Variants in KHDC1 observed in about 807,000 individuals in gnomAD.
KHDC1 encodes KH domain containing 1, also known as KH homology domain-containing protein 1.
A neutral mutation model predicts 24.7 loss-of-function variants in KHDC1; 21 were observed. The ratio of observed to expected loss-of-function variants is 0.85; its 90% confidence interval spans 0.60 to 1.23. The LOEUF (loss-of-function observed/expected upper bound fraction) is 1.23, where lower values mean the gene tolerates loss of function less well. Ranked by LOEUF, KHDC1 falls within the 50% of genes most tolerant of loss-of-function variation. KHDC1 has a pLI of 0.00. For missense variants in KHDC1, 274 were observed against 298.5 expected, an observed-to-expected ratio of 0.92 and a Z score of 0.61; for synonymous variants, 98 against 111.7, an observed-to-expected ratio of 0.88 and a Z score of 0.77.
intron 2 of KHDC1, among the ~76,000 whole-genome samples, chr6:73,290,070 G>A (rs1582581822): frequency 1.5e-5 from 2 of 132,206 alleles, no homozygotes; most frequent in South Asian, 2.5e-4. Context: ...ACTGCAGTCC[G>A]CAGTCCGGCC....
At chr6:73,264,167 C>T (rs1201761620) in intron 2 of KHDC1, among the ~76,000 whole-genome samples, 1 of 152,150 alleles carries the variant, frequency 6.6e-6, no homozygotes, top group Non-Finnish European at 1.5e-5. Flanking sequence ...CCACTGCATT[C>T]CAGCCTGGGC....
Position 73,247,645 on chromosome 6 carries a change from C to T in KHDC1, c.207-5115G>A, listed in dbSNP as rs75208256. Among the ~76,000 whole-genome samples the T allele has an allele frequency of 5.2e-3, 786 of 152,104 alleles. 6 individuals are homozygous for T. Among genetic ancestry groups the T allele is most frequent in the African/African-American group, 0.018 (727 of 41,496 alleles). On this transcript the variant is annotated intron_variant, in intron 2 of 4. Coordinates refer to ENST00000370384, the Ensembl canonical transcript of KHDC1. ...CTGAGGCAGGCAGATCACCTGAGGT[C>T]AGGAGTTCATAGACCAGCCTAGCCA...
At chr6:73,292,197 C>T (rs1767666421) in intron 1 of KHDC1, 1 of 1,476,200 alleles carries the variant, frequency 6.8e-7, no homozygotes, top group Non-Finnish European at 9.5e-7. Flanking sequence ...ACAGTTGTTG[C>T]ACAACTGAAA....
At chr6:73,287,255 C>T (rs1419085319) in intron 2 of KHDC1, among the ~76,000 whole-genome samples, 1 of 152,136 alleles carries the variant, frequency 6.6e-6, no homozygotes, top group African/African-American at 2.4e-5. Flanking sequence ...AAACTGGTCT[C>T]TAATAGCAAT....
chr6:73,252,689 C>T (rs1043496332), intron 2 of KHDC1, among the ~76,000 whole-genome samples: 11 of 152,106 alleles, frequency 7.2e-5, no homozygotes, highest in Admixed American at 2.0e-4. Context: ...TGGTGGCTCA[C>T]GCCTGTAGTC....
chr6:73,259,954 C>T (rs1414779073), intron 2 of KHDC1, among the ~76,000 whole-genome samples: 1 of 152,156 alleles, frequency 6.6e-6, no homozygotes, highest in East Asian at 1.9e-4. Flanking sequence ...TCATTAAAAG[C>T]TGTCCAGGGG....
exon 1 of KHDC1, chr6:73,309,775 C>A: frequency 1.3e-6 from 2 of 1,518,350 alleles, no homozygotes; most frequent in South Asian, 1.3e-5. Context: ...CAGCTCCTCC[C>A]GCCACCGCAG....
At chr6:73,271,353 G>A (rs1032640250) in intron 2 of KHDC1, among the ~76,000 whole-genome samples, 1 of 151,422 alleles carries the variant, frequency 6.6e-6, no homozygotes, top group Non-Finnish European at 1.5e-5. Flanking sequence ...GGGATTACAG[G>A]CACCCGTCAC....
At chr6:73,251,791 TTTC>T (rs1240553087) in intron 2 of KHDC1, among the ~76,000 whole-genome samples, 2 of 151,260 alleles carry the variant, frequency 1.3e-5, no homozygotes, top group Non-Finnish European at 2.9e-5. Context: ...TTCCTTTTCT[TTTC>T]TTTTCTTTTT....
intron 2 of KHDC1, among the ~76,000 whole-genome samples, chr6:73,245,156 C>T (rs1168006252): frequency 6.6e-6 from 1 of 152,020 alleles, no homozygotes; most frequent in African/African-American, 2.4e-5. Flanking sequence ...GAACATGTAT[C>T]TTGTTTTATT....
intron 2 of KHDC1, among the ~76,000 whole-genome samples, chr6:73,276,677 C>T (rs1163849738): frequency 6.6e-6 from 1 of 152,052 alleles, no homozygotes; most frequent in Non-Finnish European, 1.5e-5. Context: ...AAAAAAACAA[C>T]TTTGTAAACT....
chr6:73,298,685 G>A (rs1026176646), intron 1 of KHDC1, among the ~76,000 whole-genome samples: 3 of 151,530 alleles, frequency 2.0e-5, no homozygotes, highest in African/African-American at 7.3e-5. Context: ...CACCTGCCTC[G>A]GCCTTGCAAA....
chr6:73,293,241 T>G, intron 1 of KHDC1: 2 of 662,592 alleles, frequency 3.0e-6, no homozygotes, highest in South Asian at 2.8e-5. Flanking sequence ...GGTCAGAGGC[T>G]CCTAACTGGG....
chr6:73,248,404 CTCTCTCT>C (rs913102496), intron 2 of KHDC1, among the ~76,000 whole-genome samples: 2 of 151,570 alleles, frequency 1.3e-5, no homozygotes, highest in Non-Finnish European at 2.9e-5. Context: ...TCTCTCTCTC[CTCTCTCT>C]TCTCTCTCAT....
chr6:73,306,166 A>C (rs1393786215), intron 1 of KHDC1, among the ~76,000 whole-genome samples: 4 of 151,788 alleles, frequency 2.6e-5, no homozygotes, highest in African/African-American at 9.7e-5. Flanking sequence ...CTGAATCCTC[A>C]CCCTTCCTGC....
intron 2 of KHDC1, among the ~76,000 whole-genome samples, chr6:73,253,568 T>A (rs1041151109): frequency 6.7e-6 from 1 of 150,308 alleles, no homozygotes; most frequent in Non-Finnish European, 1.5e-5. Context: ...AAAAAATAAA[T>A]AAATAATAAA....
At chr6:73,300,675 C>A in intron 1 of KHDC1, 1 of 152,270 alleles carries the variant, frequency 6.6e-6, no homozygotes. Context: ...GATTCACTCC[C>A]CCATGTGGCA....
chr6:73,242,344 G>T, intron 3 of KHDC1, 62 bp downstream of exon 2: 1 of 1,610,934 alleles, frequency 6.2e-7, no homozygotes, highest in Non-Finnish European at 8.5e-7. Flanking sequence ...TGGGAGGGGA[G>T]AGGAAGAGTG....
At chr6:73,275,891 T>C (rs1164825008) in intron 2 of KHDC1, 2 of 152,802 alleles carry the variant, frequency 1.3e-5, no homozygotes, top group South Asian at 2.1e-4. Context: ...GCCAGAAATA[T>C]GACAAAAGGC....
Sources: allele counts gnomAD v4.1 joint callset (sites outside exome capture counted in the v4.1 genomes callset), GRCh38; gene constraint gnomAD v4.1.1; transcripts MANE v1.5; gene names NCBI Gene and HGNC (gene_info 2026-07-23, HGNC 2026-07-21).